The following ANKAR variants were observed in gnomAD, a reference collection of about 807,000 sequenced individuals.
ANKAR encodes ankyrin and armadillo repeat containing.
Under a neutral mutation model 146.2 loss-of-function variants are expected in ANKAR, and 136 were observed. That is an observed-to-expected ratio of 0.93 (90% CI 0.81 to 1.07). ANKAR has a LOEUF of 1.07. Ranked by LOEUF, ANKAR falls within the 50% of genes least tolerant of loss-of-function variation. The pLI is 0.00. For missense variants in ANKAR, 1,567 were observed against 1,679.9 expected, an observed-to-expected ratio of 0.93 and a Z score of 1.18; for synonymous variants, 500 against 575.8, an observed-to-expected ratio of 0.87 and a Z score of 1.88.
chr2:189,731,217 T>C (rs2042363821), intron 16 of ANKAR, among the ~76,000 whole-genome samples: 1 of 152,110 alleles, frequency 6.6e-6, no homozygotes, highest in African/African-American at 2.4e-5. Context: ...ACCCAGGCTT[T>C]AGAAATTCAG....
At chr2:189,751,797 T>C (rs562027554) in intron 18 of ANKAR, among the ~76,000 whole-genome samples, 3 of 143,012 alleles carry the variant, frequency 2.1e-5, no homozygotes, top group African/African-American at 7.8e-5. Flanking sequence ...AATATAATTA[T>C]TTATGAAAAT....
At chr2:189,760,095 C>G (rs972332986) in intron 18 of ANKAR, among the ~76,000 whole-genome samples, 7 of 152,358 alleles carry the variant, frequency 4.6e-5, no homozygotes, top group Admixed American at 1.3e-4. Flanking sequence ...AGATCAACAG[C>G]ATCCCAAGGC....
Position 189,720,673 on chromosome 2 carries a change from G to A in ANKAR, c.2521G>A (p.Val841Ile). Residue 841 changes from valine (V) to isoleucine (I), a missense_variant, in exon 12 of 23, where the codon GTA becomes ATA. By Grantham distance (29) the Val-to-Ile change is conservative. Coordinates refer to ENST00000684021, the MANE Select transcript of ANKAR (RefSeq NM_001378068.1). Reference protein sequence around the residue: ...LLNLNIENVLVNVMNCIRVLC... With the variant: ...LLNLNIENVLINVMNCIRVLC... ...GAACTTAAACATAGAAAATGTGCTA[G>A]TAAATGTAATGAACTGTATACGGGT... 7.1e-7 allele frequency: 1 copy of A among 1,412,008 alleles called. No homozygotes were observed. The highest frequency in any genetic ancestry group is 9.3e-7 in the Non-Finnish European group (1 of 1,075,948). The allele number at this position is 1,412,008 out of a possible 1,614,324, so 87.5% of individuals were successfully genotyped here. A position where few individuals can be genotyped will look rare whatever the true frequency, so the allele number is the denominator to read the frequency against.
chr2:189,707,318 C>T (rs2039074351), intron 9 of ANKAR, among the ~76,000 whole-genome samples, 172 bp downstream of exon 9: 1 of 151,408 alleles, frequency 6.6e-6, no homozygotes, highest in South Asian at 2.1e-4. Context: ...TAAAGAGCTG[C>T]ATTTTTGTGT....
At chr2:189,762,637 A>G (rs574444164), downstream of ANKAR, 19 of 985,446 alleles carry the variant, frequency 1.9e-5, no homozygotes, top group African/African-American at 3.1e-4. Flanking sequence ...CCGCTTTTCC[A>G]GGTGCGCAAA....
intron 17 of ANKAR, among the ~76,000 whole-genome samples, chr2:189,735,458 C>T (rs1489593028): frequency 6.6e-6 from 1 of 152,184 alleles, no homozygotes; most frequent in Non-Finnish European, 1.5e-5. Context: ...CATTAGTGCT[C>T]TTAGGGCTTT....
chr2:189,699,141 G>T (rs192998869), intron 7 of ANKAR, among the ~76,000 whole-genome samples: 16 of 152,200 alleles, frequency 1.1e-4, no homozygotes, highest in African/African-American at 3.1e-4. Flanking sequence ...TTCTTGAGGG[G>T]TGTACATTTT....
At chr2:189,738,528 A>G in intron 18 of ANKAR, 37 bp from the exon 19 acceptor site, 1 of 1,295,846 alleles carries the variant, frequency 7.7e-7, no homozygotes, top group South Asian at 1.3e-5. Context: ...CTGAGTAGAA[A>G]ATGTTCAAAG....
At chr2:189,704,111 T>G (rs371754105) in intron 7 of ANKAR, among the ~76,000 whole-genome samples, 161 of 150,542 alleles carry the variant, frequency 1.1e-3, no homozygotes, top group African/African-American at 3.7e-3. Context: ...CTGTTGATAA[T>G]TATACAGTTT....
chr2:189,742,747 G>A (rs953916931), intron 20 of ANKAR, among the ~76,000 whole-genome samples: 3 of 151,792 alleles, frequency 2.0e-5, no homozygotes, highest in African/African-American at 7.3e-5. Context: ...AAAGTTATAT[G>A]GGTGATGCTA....
At chr2:189,686,125 T>C (rs988417032) in intron 2 of ANKAR, among the ~76,000 whole-genome samples, 3 of 152,214 alleles carry the variant, frequency 2.0e-5, no homozygotes, top group African/African-American at 7.2e-5. Flanking sequence ...CATTTCTTTG[T>C]AATTTATCTA....
chr2:189,698,264 T>G (rs78120159), intron 7 of ANKAR, among the ~76,000 whole-genome samples: 1,568 of 152,300 alleles, frequency 0.01, 11 homozygotes, highest in South Asian at 0.022. Context: ...TAAATTACTT[T>G]CTACTCATAG....
At chr2:189,699,016 T>G (rs1234264533) in intron 7 of ANKAR, among the ~76,000 whole-genome samples, 1 of 152,178 alleles carries the variant, frequency 6.6e-6, no homozygotes, top group Non-Finnish European at 1.5e-5. Flanking sequence ...AGTTAGTTAG[T>G]CTCCCTCACT....
At chr2:189,753,928 AT>A in intron 18 of ANKAR, 1 of 1,613,556 alleles carries the variant, frequency 6.2e-7, no homozygotes, top group Non-Finnish European at 8.5e-7. Flanking sequence ...GTACTGCATT[AT>A]TTTGAGGTAA....
chr2:189,721,264 G>A (rs779167805), intron 12 of ANKAR, among the ~76,000 whole-genome samples: 8 of 152,152 alleles, frequency 5.3e-5, no homozygotes, highest in Admixed American at 3.9e-4. Flanking sequence ...GGGATTACAA[G>A]TATGAGCCAC....
intron 4 of ANKAR, 183 bp from the exon 5 acceptor site, chr2:189,692,891 T>C (rs1014318364): frequency 5.2e-6 from 2 of 384,688 alleles, no homozygotes; most frequent in African/African-American, 4.2e-5. Context: ...TATGTGTCTT[T>C]CCTTTTGTAT....
At chr2:189,706,662 T>G (rs545253506) in intron 8 of ANKAR, among the ~76,000 whole-genome samples, 2 of 152,272 alleles carry the variant, frequency 1.3e-5, no homozygotes, top group East Asian at 3.9e-4. Flanking sequence ...AAGGCTTAGA[T>G]AGGATAGTGT....
At chr2:189,758,286 G>A (rs2046388963) in intron 18 of ANKAR, among the ~76,000 whole-genome samples, 1 of 152,046 alleles carries the variant, frequency 6.6e-6, no homozygotes, top group South Asian at 2.1e-4. Context: ...AAGGCTGAGG[G>A]GGGAGAATCG....
chr2:189,694,602 TATTAC>T (rs1401169624), intron 5 of ANKAR, among the ~76,000 whole-genome samples: 2 of 152,162 alleles, frequency 1.3e-5, no homozygotes, highest in African/African-American at 4.8e-5. Context: ...CATCATTCCA[TATTAC>T]ATTCAAGGTA....
Sources: allele counts gnomAD v4.1 joint callset (sites outside exome capture counted in the v4.1 genomes callset), GRCh38; gene constraint gnomAD v4.1.1; transcripts MANE v1.5; gene names NCBI Gene and HGNC (gene_info 2026-07-23, HGNC 2026-07-21).